The following HELZ2 variants were observed in gnomAD, a reference collection of about 807,000 sequenced individuals.
HELZ2 encodes the protein 3'-5' exoribonuclease HELZ2.
Under a neutral mutation model 208.8 loss-of-function variants are expected in HELZ2, and 143 were observed. The ratio of observed to expected loss-of-function variants is 0.68; its 90% CI spans 0.60 to 0.79. The LOEUF (loss-of-function observed/expected upper bound fraction) is 0.79. Ranked by LOEUF, HELZ2 falls within the 30% of genes least tolerant of loss-of-function variation. The pLI, the probability that HELZ2 is intolerant of heterozygous loss-of-function variation, is 0.00. For missense variants in HELZ2, 3,690 were observed against 3,794.5 expected (o/e 0.97, Z 0.72); for synonymous variants, 1,705 against 1,693.7 (o/e 1.01, Z -0.16).
chr20:63,569,439 T>C (rs1251295492), exon 4 of HELZ2: 4 of 1,608,996 alleles, frequency 2.5e-6, no homozygotes, highest in Middle Eastern at 1.6e-4. Context: ...CAGCCCCAGC[T>C]TTTGTAGCAG....
chr20:63,572,605 G>C, upstream of HELZ2: 1 of 543,954 alleles, frequency 1.8e-6, no homozygotes, highest in Non-Finnish European at 3.2e-6. Context: ...CGCGACAGAT[G>C]CATGGGGGAC....
intron 3 of HELZ2, chr20:63,570,218 C>A: frequency 1.8e-6 from 1 of 565,884 alleles, no homozygotes. Context: ...CCTCGGTCTC[C>A]CAAAGTGCTG....
intron 5 of HELZ2, 162 bp downstream of exon 6, chr20:63,568,196 C>T: frequency 1.6e-6 from 1 of 638,390 alleles, no homozygotes; most frequent in Non-Finnish European, 2.7e-6. Context: ...CGGCCACCCT[C>T]GGTGCCCTGA....
At chr20:63,565,491 C>G (rs1423452170) in exon 8 of HELZ2, 5 of 1,606,806 alleles carry the variant, frequency 3.1e-6, no homozygotes, top group Middle Eastern at 1.6e-4. Context: ...GGCAGGTTCT[C>G]GTACAGCCGG....
At chr20:63,569,751 A>G (rs1351971702) in intron 3 of HELZ2, 86 bp from the exon 5 acceptor site, 17 of 1,360,520 alleles carry the variant, frequency 1.2e-5, no homozygotes, top group Non-Finnish European at 8.7e-6. Context: ...GCCCAAGTGC[A>G]GGGTTCAGGT....
At chr20:63,566,193 T>C in exon 8 of HELZ2, 1 of 1,516,162 alleles carries the variant, frequency 6.6e-7, no homozygotes, top group Non-Finnish European at 8.8e-7. Context: ...CTCTGGCAGG[T>C]GTGCACAGTG....
At position 63,563,037 on chromosome 20, in the gene HELZ2, G is replaced by A. The variant is rs570620102; in HGVS notation, c.5785C>T (p.Arg1929Trp). The change falls in exon 8 of 19, where the codon CGG becomes TGG. Residue 1929 changes from arginine to tryptophan, a missense_variant. This residue lies in a region of HELZ2 where 2,564 missense variants were observed against 2,580.5 expected (regional missense o/e 0.99). Transcript: ENST00000467148. ...TCGCGGTACCGGTCCCTCGGGGCCC[G>A]GTACACACGGCCTGAGAAGCAGTCT... is the stretch of plus-strand genomic sequence containing the variant. 110 of 1,600,148 alleles carry A rather than the reference G, an allele frequency of 6.9e-5. No individual in the cohort carries two copies. The highest frequency in any genetic ancestry group is 4.3e-4 in the South Asian group (39 of 89,822).
At chr20:63,570,115 ATTTTTTTTTTTT>A (rs56804055) in intron 3 of HELZ2, 2 of 288,614 alleles carry the variant, frequency 6.9e-6, no homozygotes, top group South Asian at 2.5e-5. Flanking sequence ...TGCCTGGCTA[ATTTTTTTTTTTT>A]TTTTTTTTTT....
At position 63,563,007 on chromosome 20, in the gene HELZ2, C is replaced by T. The variant is rs748774993; in HGVS notation, c.5815G>A (p.Asp1939Asn). The change falls in exon 8 of 19, where the codon GAT becomes AAT. Residue 1939 changes from aspartate to asparagine, a missense_variant. Physicochemically the swap from Asp to Asn is conservative, Grantham distance 23. Transcript: ENST00000467148. ...GGTTCCCACACGCAGGCGTACTCATCCACGTCGCGGTACCGGTCCCTCGGG... is the reference window on the plus strand; with the variant it reads ...GGTTCCCACACGCAGGCGTACTCATTCACGTCGCGGTACCGGTCCCTCGGG... 1.6e-5 allele frequency: 26 copies of T among 1,601,088 alleles called. No homozygotes were observed. In the Admixed American group the frequency reaches 4.1e-4, roughly 25 times the overall value.
chr20:63,564,387 G>C (rs773206329), exon 8 of HELZ2: 3 of 1,549,346 alleles, frequency 1.9e-6, no homozygotes, highest in Non-Finnish European at 2.6e-6. Flanking sequence ...ACGGAGTCCA[G>C]GCGGGCCGGC....
At chr20:63,564,355 C>A (rs753989155) in exon 8 of HELZ2, 1 of 1,566,174 alleles carries the variant, frequency 6.4e-7, no homozygotes. Flanking sequence ...AGAAGTAGCA[C>A]GCGGCCACGA....
At chr20:63,568,424 G>A in exon 5 of HELZ2, 1 of 1,608,146 alleles carries the variant, frequency 6.2e-7, no homozygotes, top group Non-Finnish European at 8.5e-7. Flanking sequence ...GGAGGCCATG[G>A]CCAGCGTGTA....
chr20:63,572,259 G>C, exon 1 of HELZ2: 3 of 1,587,032 alleles, frequency 1.9e-6, no homozygotes, highest in Non-Finnish European at 2.6e-6. Flanking sequence ...AAGCAGGCCG[G>C]GCAGTACAGC....
exon 4 of HELZ2, chr20:63,569,395 T>A (rs759340627): frequency 6.2e-7 from 1 of 1,609,508 alleles, no homozygotes. Context: ...GCCAGATTCC[T>A]GCAGGGTCCT....
exon 8 of HELZ2, chr20:63,565,447 C>T (rs751414456): frequency 3.1e-6 from 5 of 1,609,302 alleles, no homozygotes; most frequent in Non-Finnish European, 2.5e-6. Flanking sequence ...ACCGCTCGGG[C>T]TCCGCGTGCA....
rs79267778 is a variant in HELZ2, at chr20:63,563,111, G to A, written c.5711C>T (p.Thr1904Met). The A allele has an allele frequency of 1.0e-3, 1,602 of 1,595,312 alleles. 51 individuals are homozygous for A. In the East Asian group the frequency reaches 0.035, roughly 35 times the overall value. ...GCAGAGGCTGAAGCCCGGTGCCACC[G>A]TCCAGAGCTGAGGGCTCGGTACCAG... The change falls in exon 8 of 19, where the codon ACG becomes ATG. Residue 1904 changes from threonine to methionine, a missense_variant. Thr to Met is a moderately conservative substitution (Grantham distance 81, BLOSUM62 -1). Transcript: ENST00000467148.
rs752534813 is a variant in HELZ2 at position 63,562,212 on chromosome 20, G to A, written c.6398-9C>T. 1 of 1,611,768 alleles carries A rather than the reference G, an allele frequency of 6.2e-7. No homozygotes were observed. The highest frequency in any genetic ancestry group is 1.1e-5 in the South Asian group (1 of 90,974). On this transcript the variant is annotated splice_polypyrimidine_tract_variant and intron_variant, in intron 9 of 18. Transcript: ENST00000467148. ...GAACCTGCTGGGGATCACTGAGAGG[G>A]GGCAGCCTCCCTGAGCACTCATGCA...
At chr20:63,565,380 C>T in exon 8 of HELZ2, 3 of 1,609,268 alleles carry the variant, frequency 1.9e-6, no homozygotes, top group Non-Finnish European at 2.5e-6. Context: ...GAGGCATCGT[C>T]CAGCGGGATG....
exon 6 of HELZ2, chr20:63,566,995 C>T (rs438363): frequency 0.91 from 1,460,665 of 1,611,456 alleles, 663,336 homozygotes; most frequent in East Asian, 1. Flanking sequence ...CCGGTCTGGG[C>T]TGCCCGCCAC....
Sources: gnomAD v4.1 joint callset for allele counts on GRCh38, gnomAD v4.1.1 for gene constraint, gnomAD v4.1.1 regional missense constraint, MANE v1.5 for transcripts, NCBI Gene and HGNC (gene_info 2026-07-23, HGNC 2026-07-21) for gene names.